WASHC4: variants seen among roughly 807,000 people sequenced by gnomAD.
The protein encoded by WASHC4 is WASH complex subunit 4, also known as WASH complex subunit 7.
WASHC4 carries 86 observed loss-of-function variants against 166.6 expected under a neutral mutation model. That is an observed-to-expected ratio of 0.52 (90% CI 0.43 to 0.62). WASHC4 has a LOEUF of 0.62. Among genes scored for constraint, WASHC4 ranks in the 20% least tolerant of loss-of-function variants. The probability of loss-of-function intolerance (pLI) is 0.00; values close to 1 mark genes in which losing one functional copy is unlikely to be tolerated. For synonymous variants in WASHC4, 446 were observed against 451.6 expected, an observed-to-expected ratio of 0.99 and a Z score of 0.16; for missense variants, 1,262 against 1,382.4, an observed-to-expected ratio of 0.91 and a Z score of 1.38.
rs945171350 is a variant in WASHC4 at position 105,168,975 on chromosome 12, C to T, written c.*2044C>T. On this transcript the variant is annotated 3_prime_UTR_variant, in exon 33 of 33. Coordinates refer to ENST00000332180, the MANE Select transcript of WASHC4 (RefSeq NM_015275.3). ...CAGAAAACTTAATAATTCAAATTCT[C>T]AGGAATTAAGGACTCACCATAACAT... 2.0e-5 allele frequency: 3 copies of T among 152,486 alleles called. No individual in the cohort carries two copies. The highest frequency in any genetic ancestry group is 7.2e-5 in the African/African-American group (3 of 41,416). 9.4% of individuals were successfully genotyped at this position (152,486 alleles called of 1,614,324 possible). A position where few individuals can be genotyped will look rare whatever the true frequency, so the allele number is the denominator to read the frequency against.
chr12:105,135,416 A>G (rs772833466), intron 14 of WASHC4, among the ~76,000 whole-genome samples: 1 of 148,210 alleles, frequency 6.7e-6, no homozygotes, highest in Non-Finnish European at 1.5e-5. Flanking sequence ...TTTTTCTTCT[A>G]GCTTTTAAAG....
intron 14 of WASHC4, among the ~76,000 whole-genome samples, chr12:105,134,766 G>A (rs1197618563): frequency 6.6e-6 from 1 of 151,352 alleles, no homozygotes; most frequent in Non-Finnish European, 1.5e-5. Flanking sequence ...TCTCCTATCT[G>A]ATAATCTTTG....
rs912426048 is a variant in WASHC4 at position 105,149,420 on chromosome 12, T to C, written c.2515-195T>C. The C allele has an allele frequency of 7.3e-6, 8 of 1,091,314 alleles. 1 individual carries two copies. The highest frequency in any genetic ancestry group is 4.6e-5 in the Admixed American group (1 of 21,746). The allele number at this position is 1,091,314 out of a possible 1,614,324, so 67.6% of individuals were successfully genotyped here. A position where few individuals can be genotyped will look rare whatever the true frequency, so the allele number is the denominator to read the frequency against. On this transcript the variant is annotated intron_variant, in intron 24 of 32. Coordinates refer to ENST00000332180, the MANE Select transcript of WASHC4 (RefSeq NM_015275.3). ...TTAGTAAAAATATGTAAGAGGAGCT[T>C]ATAGAAAGTTTTGTGAACTTCAGCA...
Position 105,126,273 on chromosome 12 carries a change from G to A in WASHC4, c.949G>A (p.Gly317Arg). The A allele has an allele frequency of 6.2e-7, 1 of 1,611,742 alleles. No homozygotes were observed. Among genetic ancestry groups the A allele is most frequent in the South Asian group, 1.1e-5 (1 of 91,022 alleles). Residue 317 changes from glycine (G) to arginine (R), a missense_variant, in exon 12 of 33, where the codon GGA (glycine) becomes AGA (arginine). Gly to Arg is a moderately radical substitution (Grantham distance 125). Coordinates refer to ENST00000332180, the MANE Select transcript of WASHC4 (RefSeq NM_015275.3). The part of the protein sequence containing the change: ...SEIDQRDKYV[G>R]ICGLFVLHFQ... ...AATTGACCAGAGAGACAAGTATGTT[G>A]GAATTTGTGGACTCTTTGTATTGCA...
Position 105,149,610 on chromosome 12 carries a change from T to C in WASHC4, c.2515-5T>C. The C allele has an allele frequency of 7.1e-7, 1 of 1,406,270 alleles. No homozygotes were observed. Among genetic ancestry groups the C allele is most frequent in the Non-Finnish European group, 1.0e-6 (1 of 1,001,924 alleles). 87.1% of individuals were successfully genotyped at this position (1,406,270 alleles called of 1,614,324 possible). A position where few individuals can be genotyped will look rare whatever the true frequency, so the allele number is the denominator to read the frequency against. On this transcript the variant is annotated splice_polypyrimidine_tract_variant and splice_region_variant and intron_variant, in intron 24 of 32. Coordinates refer to ENST00000332180, the MANE Select transcript of WASHC4 (RefSeq NM_015275.3). Reference sequence around the variant, plus strand: ...TTTTCAACTTTTTGAATTTTAATTTTATAGGTTAATTTCACCTACCAGTTT... The same window carrying C: ...TTTTCAACTTTTTGAATTTTAATTTCATAGGTTAATTTCACCTACCAGTTT...
intron 13 of WASHC4, among the ~76,000 whole-genome samples, chr12:105,132,379 C>T (rs1464437053): frequency 6.6e-6 from 1 of 152,148 alleles, no homozygotes; most frequent in South Asian, 2.1e-4. Flanking sequence ...ACCATGTTGG[C>T]GAGGCTGGTC....
At chr12:105,152,490 TC>T (rs767835174) in intron 26 of WASHC4, 39 bp downstream of exon 26, 10 of 1,058,586 alleles carry the variant, frequency 9.4e-6, no homozygotes, top group Non-Finnish European at 1.5e-5. Context: ...CAGGTACAGA[TC>T]CCTACAGTCT....
At chr12:105,119,613 A>G (rs572825146) in intron 7 of WASHC4, among the ~76,000 whole-genome samples, 5 of 152,226 alleles carry the variant, frequency 3.3e-5, no homozygotes, top group African/African-American at 1.2e-4. Flanking sequence ...TCATGGCAGG[A>G]GAGAATGAGA....
At chr12:105,157,903 C>A (rs2440711) in intron 28 of WASHC4, among the ~76,000 whole-genome samples, 152,335 of 152,336 alleles carry the variant, frequency 1, 76,167 homozygotes, top group Non-Finnish European at 1. Flanking sequence ...TGCATTTGTC[C>A]CATAACACGA....
chr12:105,164,726 AGAAAG>A lies in WASHC4; in HGVS notation c.3441_3445del (p.Lys1148GlufsTer6). The stretch of plus-strand genomic sequence containing the variant: ...ACTGCGGCTGAAGAAAACCAAGAAA[AGAAAG>A]AGAAGGAAGGTCAGTGAGTGGTTTA... On this transcript the variant is annotated frameshift_variant, in exon 32 of 33. Coordinates refer to ENST00000332180, the MANE Select transcript of WASHC4 (RefSeq NM_015275.3). LOFTEE classifies it high-confidence loss of function. The A allele has an allele frequency of 6.2e-7, 1 of 1,612,226 alleles. No individual in the cohort carries two copies. The highest frequency in any genetic ancestry group is 8.5e-7 in the Non-Finnish European group (1 of 1,178,772).
chr12:105,114,702 G>GT (rs1295363546), intron 4 of WASHC4, among the ~76,000 whole-genome samples: 1 of 151,960 alleles, frequency 6.6e-6, no homozygotes, highest in Non-Finnish European at 1.5e-5. Context: ...CATCTTACTG[G>GT]TAGTCAACAG....
At chr12:105,147,184 C>A (rs1041897207) in intron 24 of WASHC4, 38 bp downstream of exon 24, 8 of 1,137,656 alleles carry the variant, frequency 7.0e-6, no homozygotes, top group Admixed American at 1.7e-5. Flanking sequence ...GGGTAATAGA[C>A]CCGTTTAATA....
At chr12:105,129,676 T>G (rs1255173079) in intron 13 of WASHC4, among the ~76,000 whole-genome samples, 1 of 152,222 alleles carries the variant, frequency 6.6e-6, no homozygotes, top group Non-Finnish European at 1.5e-5. Context: ...CTGTATAGTT[T>G]GGCCTTTAAA....
Position 105,166,980 on chromosome 12 carries a change from A to T in WASHC4, c.*49A>T, listed in dbSNP as rs760781816. 1 of 1,323,234 alleles carries T rather than the reference A, an allele frequency of 7.6e-7. No homozygotes were observed. Among genetic ancestry groups the T allele is most frequent in the Non-Finnish European group, 1.1e-6 (1 of 923,910 alleles). 82.0% of individuals were successfully genotyped at this position (1,323,234 alleles called of 1,614,324 possible). A position where few individuals can be genotyped will look rare whatever the true frequency, so the allele number is the denominator to read the frequency against. On this transcript the variant is annotated 3_prime_UTR_variant, in exon 33 of 33. Coordinates refer to ENST00000332180, the MANE Select transcript of WASHC4 (RefSeq NM_015275.3). ...ATGATGAAATCATCAGAATTGTTAA[A>T]ACTTTTGCCAGTGGAATGGATAAAC...
At chr12:105,147,185 C>G (rs745977616) in intron 24 of WASHC4, 39 bp downstream of exon 24, 3 of 1,123,032 alleles carry the variant, frequency 2.7e-6, no homozygotes, top group Admixed American at 1.7e-5. Flanking sequence ...GGTAATAGAC[C>G]CGTTTAATAG....
chr12:105,143,319 A>G (rs1429388489), intron 20 of WASHC4, 76 bp downstream of exon 20: 5 of 830,264 alleles, frequency 6.0e-6, no homozygotes, highest in Non-Finnish European at 1.0e-5. Flanking sequence ...GTTCGATTGA[A>G]GCAGACTCAC....
At chr12:105,138,510 A>G (rs753966075) in intron 15 of WASHC4, among the ~76,000 whole-genome samples, 3 of 152,162 alleles carry the variant, frequency 2.0e-5, no homozygotes, top group Non-Finnish European at 4.4e-5. Context: ...GAGGTGGTCA[A>G]ATGAATTAAG....
At chr12:105,138,808 G>A (rs1175688752) in intron 15 of WASHC4, among the ~76,000 whole-genome samples, 1 of 152,084 alleles carries the variant, frequency 6.6e-6, no homozygotes, top group East Asian at 1.9e-4. Context: ...ACAAGTATAT[G>A]TGTATGTTAG....
rs1884921036 is a variant in WASHC4, at chr12:105,168,462, G to C, written c.*1531G>C. On this transcript the variant is annotated 3_prime_UTR_variant, in exon 33 of 33. Transcript: ENST00000332180. ...TATAAGTGTTTATATTAATGATCTT[G>C]CATTTGATTATATCAAATTCGTCAT... 1 of 152,034 alleles carries C rather than the reference G, an allele frequency of 6.6e-6. No individual in the cohort carries two copies. The highest frequency in any genetic ancestry group is 1.5e-5 in the Non-Finnish European group (1 of 67,806). 9.4% of individuals were successfully genotyped at this position (152,034 alleles called of 1,614,324 possible). A position where few individuals can be genotyped will look rare whatever the true frequency, so the allele number is the denominator to read the frequency against.
Sources: allele counts gnomAD v4.1 joint callset (sites outside exome capture counted in the v4.1 genomes callset), GRCh38; gene constraint gnomAD v4.1.1; transcripts MANE v1.5; gene names NCBI Gene and HGNC (gene_info 2026-07-23, HGNC 2026-07-21).